NEGR1: variants seen among roughly 807,000 people sequenced by gnomAD.
NEGR1 encodes the protein neuronal growth regulator 1.
A neutral mutation model predicts 40.9 loss-of-function variants in NEGR1; 10 were observed. The ratio of observed to expected loss-of-function variants is 0.24; its 90% CI spans 0.15 to 0.42. The LOEUF (loss-of-function observed/expected upper bound fraction) is 0.42. Ranked by LOEUF, NEGR1 falls within the 10% of genes least tolerant of loss-of-function variation. The pLI is 1.00. For synonymous variants in NEGR1, 185 were observed against 166.8 expected (o/e 1.11, Z -0.84); for missense variants, 352 against 438.9 (o/e 0.80, Z 1.77).
intron 6 of NEGR1, among the ~76,000 whole-genome samples, chr1:71,414,138 T>C (rs960277708): frequency 1.3e-5 from 2 of 152,058 alleles, no homozygotes; most frequent in Non-Finnish European, 2.9e-5. Context: ...AGCAAATGAT[T>C]TACACCCAAA....
chr1:71,668,239 T>C (rs1488007029), intron 4 of NEGR1, among the ~76,000 whole-genome samples: 1 of 152,234 alleles, frequency 6.6e-6, no homozygotes, highest in Non-Finnish European at 1.5e-5. Flanking sequence ...CTTGCTCTTC[T>C]TTCTCGTGGG....
chr1:71,407,506 A>G lies in NEGR1; in HGVS notation c.1005T>C (p.Leu335=). Residue 335 remains leucine (L), a synonymous_variant, in exon 7 of 7, where the codon CTT becomes CTC. Transcript: ENST00000357731. ...TGGTGAAAGAGGACAGTGTCAACAC[A>G]AGGTACCAGCAGGAGAAAAGAACAT... ...SADVLFSCWY[L]VLTLSSFTSI... 6.2e-7 allele frequency: 1 copy of G among 1,611,598 alleles called. No individual in the cohort carries two copies. The highest frequency in any genetic ancestry group is 8.5e-7 in the Non-Finnish European group (1 of 1,177,922).
chr1:72,257,193 G>T (rs1258839299), intron 1 of NEGR1, among the ~76,000 whole-genome samples: 1 of 150,700 alleles, frequency 6.6e-6, no homozygotes, highest in Non-Finnish European at 1.5e-5. Context: ...GTAGTGGCGG[G>T]CGCCTGTAGT....
At chr1:72,260,079 T>C (rs986649183) in intron 1 of NEGR1, among the ~76,000 whole-genome samples, 2 of 152,130 alleles carry the variant, frequency 1.3e-5, no homozygotes, top group African/African-American at 4.8e-5. Flanking sequence ...ATTTCCTTTC[T>C]GCTCCTTAGA....
At chr1:71,604,274 C>G (rs572628826) in intron 5 of NEGR1, among the ~76,000 whole-genome samples, 38 of 152,126 alleles carry the variant, frequency 2.5e-4, no homozygotes, top group African/African-American at 7.5e-4. Flanking sequence ...CATAATAAAG[C>G]CTTGAAAATC....
At chr1:71,734,167 C>T (rs1024509766) in intron 3 of NEGR1, among the ~76,000 whole-genome samples, 13 of 152,124 alleles carry the variant, frequency 8.5e-5, no homozygotes, top group Non-Finnish European at 1.2e-4. Context: ...TGATTTTTCT[C>T]AGGTTCAACA....
Position 71,419,144 on chromosome 1 carries a change from C to T in NEGR1, c.941-11574G>A, listed in dbSNP as rs111644271. Among the ~76,000 whole-genome samples the T allele has an allele frequency of 4.3e-3, 656 of 152,272 alleles. 5 individuals are homozygous for T. The highest frequency in any genetic ancestry group is 0.015 in the African/African-American group (636 of 41,560). ...TTATTGGACTGGCTTTCCCTTCTTC[C>T]CTATTTTATTTGTTCCAGTCACCCA... On this transcript the variant is annotated intron_variant, in intron 6 of 6. Transcript: ENST00000357731.
chr1:72,208,702 T>C (rs1653494684), intron 1 of NEGR1, among the ~76,000 whole-genome samples: 1 of 151,680 alleles, frequency 6.6e-6, no homozygotes, highest in African/African-American at 2.4e-5. Context: ...GGCAACTTTA[T>C]TTCAAATACA....
rs78777192 is a variant in NEGR1 at position 71,675,059 on chromosome 1, A to T, written c.667+22949T>A. Among the ~76,000 whole-genome samples the T allele has an allele frequency of 6.4e-3, 927 of 143,926 alleles. 8 individuals carry two copies. Among genetic ancestry groups the T allele is most frequent in the African/African-American group, 0.022 (868 of 39,736 alleles). 94.4% of individuals were successfully genotyped at this position (143,926 alleles called of 152,430 possible). On this transcript the variant is annotated intron_variant, in intron 4 of 6. Coordinates refer to ENST00000357731, the MANE Select transcript of NEGR1 (RefSeq NM_173808.3). The stretch of plus-strand genomic sequence containing the variant: ...ATAAATATATATGTGATACATACGT[A>T]TGTGATCTATATATGTGATCTATAT...
At chr1:71,486,353 C>T (rs941660178) in intron 6 of NEGR1, 10 of 151,080 alleles carry the variant, frequency 6.6e-5, no homozygotes, top group African/African-American at 2.4e-4. Flanking sequence ...ACATTCCTTC[C>T]TCTGATGTCT....
chr1:71,759,571 A>C (rs1289561341), intron 3 of NEGR1, among the ~76,000 whole-genome samples: 1 of 127,434 alleles, frequency 7.8e-6, no homozygotes, highest in Non-Finnish European at 1.6e-5. Flanking sequence ...TGCTAAGATT[A>C]CAGGCGTGAG....
intron 2 of NEGR1, among the ~76,000 whole-genome samples, chr1:71,871,363 C>CT (rs1291307066): frequency 2.6e-5 from 4 of 152,066 alleles, no homozygotes; most frequent in Non-Finnish European, 2.9e-5. Flanking sequence ...TTCTAGTAGA[C>CT]TTTTTGTGTG....
intron 2 of NEGR1, among the ~76,000 whole-genome samples, chr1:71,885,503 G>A (rs1183236668): frequency 6.6e-6 from 1 of 152,080 alleles, no homozygotes; most frequent in Non-Finnish European, 1.5e-5. Flanking sequence ...CACGTTAGCT[G>A]TTTTTTAAAC....
At chr1:72,069,916 T>G (rs572057482) in intron 1 of NEGR1, among the ~76,000 whole-genome samples, 1 of 152,240 alleles carries the variant, frequency 6.6e-6, no homozygotes, top group Non-Finnish European at 1.5e-5. Flanking sequence ...TCCAAGTTTA[T>G]AGAATAATTT....
intron 2 of NEGR1, among the ~76,000 whole-genome samples, chr1:71,870,668 G>A (rs555528826): frequency 1.3e-3 from 195 of 152,162 alleles, no homozygotes; most frequent in Non-Finnish European, 2.4e-3. Flanking sequence ...TATTCATTCT[G>A]TTACACTGTG....
At chr1:71,849,824 C>A (rs1659542904) in intron 2 of NEGR1, among the ~76,000 whole-genome samples, 1 of 152,150 alleles carries the variant, frequency 6.6e-6, no homozygotes, top group Admixed American at 6.5e-5. Context: ...GCATTTTTAG[C>A]AATATAGTAT....
rs1650332556 is a variant in NEGR1, at chr1:72,133,471, G to T, written c.176+148848C>A. ...GTTCTATGTAGTAAAATATAATTTT[G>T]GTTTGTATTAAGCAATGGAAACACT... On this transcript the variant is annotated intron_variant, in intron 1 of 6. Coordinates refer to ENST00000357731, the MANE Select transcript of NEGR1 (RefSeq NM_173808.3). Among the ~76,000 whole-genome samples the T allele has an allele frequency of 2.0e-5, 3 of 151,948 alleles. No individual in the cohort carries two copies. In the South Asian group the frequency reaches 6.2e-4, roughly 32 times the overall value.
intron 1 of NEGR1, among the ~76,000 whole-genome samples, chr1:72,090,730 G>A (rs879827278): frequency 1.6e-4 from 25 of 151,878 alleles, no homozygotes; most frequent in Non-Finnish European, 3.2e-4. Flanking sequence ...CTCGGCAGGC[G>A]TTAGGCCTAC....
At chr1:71,716,376 G>C (rs996277041) in intron 3 of NEGR1, among the ~76,000 whole-genome samples, 1 of 151,972 alleles carries the variant, frequency 6.6e-6, no homozygotes, top group East Asian at 1.9e-4. Context: ...TATGTAGAAA[G>C]CATTGTGGAA....
Sources: gnomAD v4.1 joint callset for allele counts (sites outside exome capture counted in the v4.1 genomes callset) on GRCh38, gnomAD v4.1.1 for gene constraint, MANE v1.5 for transcripts, NCBI Gene and HGNC (gene_info 2026-07-23, HGNC 2026-07-21) for gene names.